The following FBXW4 variants were observed in gnomAD, a reference collection of about 807,000 sequenced individuals.
The protein encoded by FBXW4 is F-box/WD repeat-containing protein 4.
In FBXW4, 40 loss-of-function variants were observed where a neutral mutation model predicts 61.8. The ratio of observed to expected loss-of-function variants is 0.65; its 90% CI spans 0.50 to 0.84. The LOEUF (loss-of-function observed/expected upper bound fraction) is 0.84. Among genes scored for constraint, FBXW4 ranks in the 40% least tolerant of loss-of-function variants. The probability of loss-of-function intolerance (pLI) is 0.00; values close to 1 mark genes in which losing one functional copy is unlikely to be tolerated. For synonymous variants in FBXW4, 311 were observed against 313.8 expected, an observed-to-expected ratio of 0.99 and a Z score of 0.10; for missense variants, 672 against 753.8, an observed-to-expected ratio of 0.89 and a Z score of 1.27.
intron 5 of FBXW4, among the ~76,000 whole-genome samples, chr10:101,644,679 C>A (rs1351617853): frequency 1.3e-5 from 2 of 152,156 alleles, no homozygotes; most frequent in African/African-American, 2.4e-5. Context: ...ATGCCACAGA[C>A]CTTTCAGAGC....
chr10:101,676,574 G>T, intron 1 of FBXW4, 138 bp from the exon 2 acceptor site: 1 of 612,028 alleles, frequency 1.6e-6, no homozygotes, highest in Non-Finnish European at 2.8e-6. Context: ...AGGAGTAACT[G>T]TTCTCTCTCC....
chr10:101,684,046 C>T (rs2064506237), intron 1 of FBXW4, among the ~76,000 whole-genome samples: 3 of 152,220 alleles, frequency 2.0e-5, no homozygotes, highest in African/African-American at 7.2e-5. Flanking sequence ...TCAACGCAAC[C>T]TCCACCTCCC....
chr10:101,673,337 C>T (rs1410255811), intron 3 of FBXW4, 151 bp downstream of exon 3: 9 of 945,842 alleles, frequency 9.5e-6, no homozygotes, highest in Non-Finnish European at 1.5e-5. Flanking sequence ...CCTATTAACT[C>T]CTTTTGGTAA....
chr10:101,658,891 A>G (rs1424808790), intron 5 of FBXW4, among the ~76,000 whole-genome samples: 1 of 152,066 alleles, frequency 6.6e-6, no homozygotes, highest in Non-Finnish European at 1.5e-5. Flanking sequence ...TACAGCTAAC[A>G]GGTGGGGAAA....
intron 5 of FBXW4, among the ~76,000 whole-genome samples, chr10:101,631,271 G>A (rs1205461343): frequency 6.6e-6 from 1 of 152,202 alleles, no homozygotes; most frequent in Non-Finnish European, 1.5e-5. Flanking sequence ...AGGGAAAGGA[G>A]GATATGCCTT....
chr10:101,639,222 C>T (rs553341144), intron 5 of FBXW4, among the ~76,000 whole-genome samples: 10 of 152,346 alleles, frequency 6.6e-5, no homozygotes, highest in African/African-American at 2.2e-4. Flanking sequence ...TAGGCCACTG[C>T]TCATTCATAC....
chr10:101,624,624 C>T, intron 6 of FBXW4, 121 bp downstream of exon 6: 3 of 1,025,790 alleles, frequency 2.9e-6, no homozygotes, highest in East Asian at 2.4e-5. Flanking sequence ...GCAGAGGCCT[C>T]CTACTAGACC....
chr10:101,612,490 G>A lies in FBXW4; in HGVS notation c.1302-13C>T. Reference sequence around the variant, plus strand: ...CATCAGCTGCCCACTGGGAAGGGAAGGACGGAGTGAGAGGCTGCTCCACGT... The same window carrying A: ...CATCAGCTGCCCACTGGGAAGGGAAAGACGGAGTGAGAGGCTGCTCCACGT... On this transcript the variant is annotated splice_polypyrimidine_tract_variant and intron_variant, in intron 6 of 8. Coordinates refer to ENST00000331272, the MANE Select transcript of FBXW4 (RefSeq NM_022039.4). The A allele has an allele frequency of 1.9e-6, 3 of 1,548,356 alleles. No individual in the cohort carries two copies. The highest frequency in any genetic ancestry group is 1.7e-6 in the Non-Finnish European group (2 of 1,143,866).
At chr10:101,669,692 C>A (rs2064339750) in intron 4 of FBXW4, among the ~76,000 whole-genome samples, 2 of 152,228 alleles carry the variant, frequency 1.3e-5, no homozygotes, top group African/African-American at 4.8e-5. Context: ...TATGCTGATC[C>A]TATCTTTGCC....
At chr10:101,691,170 G>A (rs565979126) in intron 1 of FBXW4, among the ~76,000 whole-genome samples, 9 of 152,022 alleles carry the variant, frequency 5.9e-5, no homozygotes, top group Non-Finnish European at 1.2e-4. Flanking sequence ...AGCAATGAAC[G>A]ACAGCCCTGC....
chr10:101,651,078 C>T (rs2064141750), intron 5 of FBXW4, among the ~76,000 whole-genome samples: 1 of 152,160 alleles, frequency 6.6e-6, no homozygotes, highest in Non-Finnish European at 1.5e-5. Context: ...AATGCATGCG[C>T]CTCTGCACAT....
chr10:101,676,245 G>A, intron 2 of FBXW4, 96 bp downstream of exon 2: 4 of 838,482 alleles, frequency 4.8e-6, no homozygotes, highest in Non-Finnish European at 5.6e-6. Flanking sequence ...ACCCACCCAA[G>A]ATAGCCCCAT....
intron 5 of FBXW4, among the ~76,000 whole-genome samples, chr10:101,664,573 C>T (rs574226776): frequency 6.6e-6 from 1 of 152,256 alleles, no homozygotes; most frequent in South Asian, 2.1e-4. Flanking sequence ...AGGGCAGGAA[C>T]ACTACAGGGG....
At chr10:101,673,774 T>C in intron 2 of FBXW4, 101 bp from the exon 3 acceptor site, 1 of 1,128,450 alleles carries the variant, frequency 8.9e-7, no homozygotes, top group Non-Finnish European at 1.3e-6. Flanking sequence ...TTAGTAAGGA[T>C]AACCAACAAG....
chr10:101,660,746 G>C (rs1017888520), intron 5 of FBXW4, among the ~76,000 whole-genome samples: 8 of 152,226 alleles, frequency 5.3e-5, no homozygotes, highest in African/African-American at 1.9e-4. Context: ...GGAAGAAAGA[G>C]TGGTGCAGGT....
In FBXW4 at chr10:101,667,918, T is replaced by C. The variant is rs1221295258; in HGVS notation, c.1203A>G (p.Arg401=). 6.2e-7 allele frequency: 1 copy of C among 1,614,052 alleles called. No individual in the cohort carries two copies. The highest frequency in any genetic ancestry group is 1.7e-5 in the Admixed American group (1 of 60,012). ...ATGGGCTGATAGCAATGGACCAGAC[T>C]CGGTCTTCAGTCTGGATGGTGTGTA... ...QCLHTIQTED[R]VWSIAISPLL... is the part of the protein sequence containing the mutation. Residue 401 remains arginine (R), a synonymous_variant, in exon 5 of 9, where the codon CGA becomes CGG. Coordinates refer to ENST00000331272, the MANE Select transcript of FBXW4 (RefSeq NM_022039.4).
intron 5 of FBXW4, chr10:101,660,041 C>T (rs1477776410): frequency 2.1e-6 from 2 of 973,262 alleles, no homozygotes; most frequent in African/African-American, 3.5e-5. Flanking sequence ...CTTGAATGGA[C>T]TGCACCCTTT....
chr10:101,693,467 G>A (rs1413398327), intron 1 of FBXW4, among the ~76,000 whole-genome samples: 1 of 152,158 alleles, frequency 6.6e-6, no homozygotes, highest in Non-Finnish European at 1.5e-5. Context: ...TACCTATTCT[G>A]TTAGGATCAG....
intron 5 of FBXW4, among the ~76,000 whole-genome samples, chr10:101,643,323 TG>T (rs752128865): frequency 2.0e-5 from 3 of 152,228 alleles, no homozygotes; most frequent in Non-Finnish European, 2.9e-5. Context: ...AGCTGTGCTA[TG>T]GCTCAACTCC....
Sources: allele counts gnomAD v4.1 joint callset (sites outside exome capture counted in the v4.1 genomes callset), GRCh38; gene constraint gnomAD v4.1.1; transcripts MANE v1.5; gene names NCBI Gene and HGNC (gene_info 2026-07-23, HGNC 2026-07-21).